DENND2B: variants seen among roughly 807,000 people sequenced by gnomAD.
DENND2B encodes DENN domain-containing protein 2B.
A neutral mutation model predicts 116.0 loss-of-function variants in DENND2B; 32 were observed. That is an observed-to-expected ratio of 0.28 (90% CI 0.21 to 0.37). The LOEUF (loss-of-function observed/expected upper bound fraction) is 0.37. Ranked by LOEUF, DENND2B falls within the 10% of genes least tolerant of loss-of-function variation. The pLI is 1.00. For missense variants in DENND2B, 1,276 were observed against 1,477.7 expected (o/e 0.86, Z 2.24); for synonymous variants, 588 against 583.9 (o/e 1.01, Z -0.10).
At chr11:8,891,956 C>G (rs571734032) in intron 1 of DENND2B, among the ~76,000 whole-genome samples, 1 of 152,298 alleles carries the variant, frequency 6.6e-6, no homozygotes, top group East Asian at 1.9e-4. Context: ...CAGCACCACA[C>G]CGCACTTATT....
chr11:8,904,804 A>C (rs575138120), intron 1 of DENND2B, among the ~76,000 whole-genome samples: 48 of 152,288 alleles, frequency 3.2e-4, no homozygotes, highest in South Asian at 1.2e-3. Flanking sequence ...TTGAGAAAAC[A>C]ATTTCATTCA....
upstream of DENND2B, among the ~76,000 whole-genome samples, chr11:8,871,951 C>G (rs540790008): frequency 6.6e-6 from 1 of 152,170 alleles, no homozygotes; most frequent in Non-Finnish European, 1.5e-5. Context: ...TTTTTACTCA[C>G]GTAAATCACT....
At chr11:8,718,038 C>T (rs1040091131) in intron 4 of DENND2B, 146 bp from the exon 5 acceptor site, 3 of 837,968 alleles carry the variant, frequency 3.6e-6, no homozygotes, top group African/African-American at 1.7e-5. Flanking sequence ...CATGCAGCTG[C>T]CCGTCTGCAG....
intron 2 of DENND2B, among the ~76,000 whole-genome samples, chr11:8,737,071 G>C (rs1286522038): frequency 5.9e-5 from 9 of 152,184 alleles, no homozygotes; most frequent in African/African-American, 2.2e-4. Context: ...ATTTGCTGAT[G>C]GGTTAGATGA....
chr11:8,765,165 C>T (rs2055465516), intron 1 of DENND2B, among the ~76,000 whole-genome samples: 1 of 152,040 alleles, frequency 6.6e-6, no homozygotes, highest in African/African-American at 2.4e-5. Context: ...AAAGACCTTC[C>T]CCCTAACAAT....
chr11:8,827,029 G>A (rs181920197), intron 4 of DENND2B, among the ~76,000 whole-genome samples: 10 of 152,332 alleles, frequency 6.6e-5, no homozygotes, highest in Admixed American at 5.9e-4. Context: ...GAGGAAGCTT[G>A]TTTGGAAGTC....
intron 3 of DENND2B, among the ~76,000 whole-genome samples, chr11:8,851,245 C>A (rs957684929): frequency 6.6e-6 from 1 of 151,714 alleles, no homozygotes; most frequent in Non-Finnish European, 1.5e-5. Context: ...ATGACTTAGT[C>A]ATTCTAAATA....
chr11:8,727,020 C>T (rs555180474), intron 3 of DENND2B, among the ~76,000 whole-genome samples: 73 of 152,320 alleles, frequency 4.8e-4, no homozygotes, highest in African/African-American at 1.7e-3. Flanking sequence ...AAGACCACAG[C>T]TTGTTGTCTC....
chr11:8,726,754 C>T (rs1021873154), intron 3 of DENND2B, among the ~76,000 whole-genome samples: 3 of 152,208 alleles, frequency 2.0e-5, no homozygotes, highest in African/African-American at 7.2e-5. Flanking sequence ...GGACTCCTGC[C>T]ACTGCACTAA....
intron 1 of DENND2B, among the ~76,000 whole-genome samples, chr11:8,909,180 G>C (rs2064276451): frequency 6.6e-6 from 1 of 152,154 alleles, no homozygotes; most frequent in Non-Finnish European, 1.5e-5. Context: ...CAGAACCACA[G>C]AGCAAAAAAG....
intron 2 of DENND2B, among the ~76,000 whole-genome samples, chr11:8,749,310 C>T (rs1027253594): frequency 6.6e-6 from 1 of 152,232 alleles, no homozygotes; most frequent in African/African-American, 2.4e-5. Context: ...CCCAGCCTCA[C>T]TCAGTACAGG....
intron 1 of DENND2B, among the ~76,000 whole-genome samples, chr11:8,899,818 T>C (rs950248627): frequency 6.6e-6 from 1 of 152,208 alleles, no homozygotes; most frequent in Admixed American, 6.5e-5. Flanking sequence ...TATACATATG[T>C]TTCTCACTTT....
intron 2 of DENND2B, among the ~76,000 whole-genome samples, chr11:8,733,980 C>T (rs1185903904): frequency 1.3e-5 from 2 of 152,154 alleles, no homozygotes; most frequent in African/African-American, 4.8e-5. Context: ...GCTACCCTTG[C>T]CCCAGCCTCC....
chr11:8,852,045 T>C (rs1594240167), intron 3 of DENND2B, among the ~76,000 whole-genome samples: 1 of 152,302 alleles, frequency 6.6e-6, no homozygotes. Context: ...ATAACAGTTG[T>C]TGCTTCTGGA....
chr11:8,795,237 T>C (rs367696516), intron 1 of DENND2B, among the ~76,000 whole-genome samples: 1 of 152,228 alleles, frequency 6.6e-6, no homozygotes, highest in Non-Finnish European at 1.5e-5. Context: ...GCTTTGTTGA[T>C]GTTTTAGAGT....
intron 3 of DENND2B, among the ~76,000 whole-genome samples, chr11:8,849,593 G>A (rs981431545): frequency 6.6e-6 from 1 of 151,876 alleles, no homozygotes; most frequent in Admixed American, 6.6e-5. Context: ...GGAGGCCAAG[G>A]TGGGCAGATC....
chr11:8,768,091 C>T (rs539748751), intron 1 of DENND2B, among the ~76,000 whole-genome samples: 2 of 152,102 alleles, frequency 1.3e-5, no homozygotes, highest in African/African-American at 4.8e-5. Context: ...CACTGCCAGA[C>T]CGGACGAGAG....
chr11:8,778,622 C>G (rs970104199), intron 1 of DENND2B, among the ~76,000 whole-genome samples: 3 of 152,262 alleles, frequency 2.0e-5, no homozygotes, highest in South Asian at 2.1e-4. Flanking sequence ...AATGATCCCT[C>G]CAGCTCCAAT....
chr11:8,834,452 T>C (rs530624681), intron 4 of DENND2B, among the ~76,000 whole-genome samples: 31 of 152,352 alleles, frequency 2.0e-4, no homozygotes, highest in African/African-American at 7.2e-4. Context: ...GTTTAAAGAA[T>C]GCGATCCTGT....
Sources: gnomAD v4.1 joint callset for allele counts (sites outside exome capture counted in the v4.1 genomes callset) on GRCh38, gnomAD v4.1.1 for gene constraint, MANE v1.5 for transcripts, NCBI Gene and HGNC (gene_info 2026-07-23, HGNC 2026-07-21) for gene names.